Variants in TERB2 observed in about 807,000 individuals in gnomAD.
The protein encoded by TERB2 is telomere repeat binding bouquet formation protein 2.
In TERB2, 26 loss-of-function variants were observed where a neutral mutation model predicts 29.8. The observed-to-expected ratio is 0.87, with a 90% CI of 0.64 to 1.21. TERB2 has a LOEUF of 1.21. Among genes scored for constraint, TERB2 ranks in the 50% most tolerant of loss-of-function variants. The pLI is 0.00. For synonymous variants in TERB2, 80 were observed against 90.8 expected, an observed-to-expected ratio of 0.88 and a Z score of 0.68; for missense variants, 240 against 268.6, an observed-to-expected ratio of 0.89 and a Z score of 0.74.
chr15:44,958,632 C>T (rs548647873), intron 3 of TERB2, 120 bp downstream of exon 3: 1 of 1,103,320 alleles, frequency 9.1e-7, no homozygotes, highest in Admixed American at 2.9e-5. Flanking sequence ...AATTTTGTAT[C>T]TATTTAACAT....
intron 4 of TERB2, 111 bp downstream of exon 4, chr15:44,961,695 TA>T (rs1157569147): frequency 1.5e-6 from 1 of 670,128 alleles, no homozygotes; most frequent in East Asian, 3.1e-5. Flanking sequence ...TGAGTCAGAT[TA>T]AGAGATTGAT....
intron 4 of TERB2, among the ~76,000 whole-genome samples, chr15:44,964,772 C>T (rs182412108): frequency 3.3e-5 from 5 of 152,050 alleles, no homozygotes; most frequent in East Asian, 3.9e-4. Context: ...AGAATATATA[C>T]GTGGAAGGTA....
At chr15:44,975,986 G>A (rs533568331) in intron 6 of TERB2, 2 of 152,308 alleles carry the variant, frequency 1.3e-5, no homozygotes, top group East Asian at 1.9e-4. Flanking sequence ...GAAATCTACA[G>A]TAGATGCTGT....
At chr15:44,973,815 T>C (rs1468758935) in intron 5 of TERB2, 52 bp from the exon 6 acceptor site, 2 of 1,222,110 alleles carry the variant, frequency 1.6e-6, no homozygotes, top group Non-Finnish European at 2.1e-6. Flanking sequence ...GTAATACATA[T>C]AGACATATAT....
In TERB2 at chr15:44,957,083, G is replaced by C. The variant is rs1337491617; in HGVS notation, c.146+106G>C. On this transcript the variant is annotated intron_variant, in intron 2 of 6. Transcript: ENST00000340827. ...TATTGATGAGGCTGGGCGCGGTGGC[G>C]GACACCTATAATCCCAGCTACTGGG... The C allele has an allele frequency of 3.3e-6, 4 of 1,200,016 alleles. No individual in the cohort carries two copies. The Admixed American group carries it at 6.0e-5, about 18-fold the overall frequency. 74.3% of individuals were successfully genotyped at this position (1,200,016 alleles called of 1,614,324 possible). A position where few individuals can be genotyped will look rare whatever the true frequency, so the allele number is the denominator to read the frequency against.
intron 6 of TERB2, among the ~76,000 whole-genome samples, chr15:44,975,515 A>C (rs1161289322): frequency 6.6e-6 from 1 of 152,114 alleles, no homozygotes; most frequent in African/African-American, 2.4e-5. Context: ...CTGAAAATAG[A>C]ATTAATTGTG....
chr15:44,956,896 T>G lies in TERB2; in HGVS notation c.65T>G (p.Val22Gly). ...TCACCCTGTGCTCTTACCTCCACAG[T>G]GGCTGAAGGGGGAACGATCAGTGAC... ...SVSQDLRQFW[V>G]AEGGTISDPR... The change falls in exon 2 of 7, where the codon GTG (valine) becomes GGG (glycine). Residue 22 changes from valine to glycine, a missense_variant and splice_region_variant. Val to Gly is a moderately radical substitution (Grantham distance 109, BLOSUM62 -3). Coordinates refer to ENST00000340827, the MANE Select transcript of TERB2 (RefSeq NM_152448.3). The G allele has an allele frequency of 6.2e-7, 1 of 1,614,020 alleles. No homozygotes were observed. Among genetic ancestry groups the G allele is most frequent in the Non-Finnish European group, 8.5e-7 (1 of 1,179,954 alleles).
At chr15:44,965,882 T>TAGGGGA (rs1421735198) in intron 4 of TERB2, among the ~76,000 whole-genome samples, 6 of 151,870 alleles carry the variant, frequency 4.0e-5, no homozygotes, top group Admixed American at 2.6e-4. Context: ...TAAAATCAGT[T>TAGGGGA]AAAGTTTTAC....
chr15:44,978,376 C>A (rs1428142609), intron 6 of TERB2, 113 bp from the exon 7 acceptor site: 23 of 1,294,892 alleles, frequency 1.8e-5, no homozygotes, highest in Middle Eastern at 2.6e-4. Context: ...CTTTTTACTT[C>A]TTTTCTAAAA....
At chr15:44,956,805 C>G (rs184690028) in intron 1 of TERB2, 23 bp downstream of exon 1, 2 of 1,613,386 alleles carry the variant, frequency 1.2e-6, no homozygotes, top group South Asian at 2.2e-5. Context: ...GTGGAAGCAG[C>G]GGGTTAGGTG....
At chr15:44,967,038 G>A (rs777970035) in intron 5 of TERB2, among the ~76,000 whole-genome samples, 14 of 152,172 alleles carry the variant, frequency 9.2e-5, no homozygotes, top group Non-Finnish European at 1.3e-4. Flanking sequence ...GGTTGAGACC[G>A]CAGTGAGCCG....
chr15:44,971,370 A>AGATTCTAAGGATATTTTAATT lies in TERB2; in HGVS notation c.435-2476_435-2456dup, dbSNP rs572764721. 1.4e-4 allele frequency among the ~76,000 whole-genome samples: 21 copies of AGATTCTAAGGATATTTTAATT among 152,296 alleles called. 1 individual carries two copies. The South Asian group carries it at 4.4e-3, about 32-fold the overall frequency. ...ATATCTACCCATTTGGAATTCCTTA[A>AGATTCTAAGGATATTTTAATT]GATTCTAAGGATATTTTAATTGATT... On this transcript the variant is annotated intron_variant, in intron 5 of 6. Coordinates refer to ENST00000340827, the MANE Select transcript of TERB2 (RefSeq NM_152448.3).
chr15:44,974,005 G>T, intron 6 of TERB2, 50 bp downstream of exon 6: 2 of 1,422,898 alleles, frequency 1.4e-6, no homozygotes, highest in Non-Finnish European at 1.9e-6. Flanking sequence ...AGAAACAAGG[G>T]AATATTGTGT....
At position 44,973,950 on chromosome 15, in the gene TERB2, T is replaced by C; in HGVS notation, c.518T>C (p.Val173Ala). The stretch of plus-strand genomic sequence containing the variant: ...CAGAATTACCCAGTTAACAACATGG[T>C]AACAGGTAGTTTAAAATAAAATTTA... ...PLQNYPVNNM[V>A]TGYISIDAMK... Residue 173 changes from valine to alanine, a missense_variant, in exon 6 of 7, where the codon GTA (valine) becomes GCA (alanine). Physicochemically the swap from Val to Ala is moderately conservative, Grantham distance 64. Coordinates refer to ENST00000340827, the MANE Select transcript of TERB2 (RefSeq NM_152448.3). 3 of 1,591,534 alleles carry C rather than the reference T, an allele frequency of 1.9e-6. No homozygotes were observed. The highest frequency in any genetic ancestry group is 2.6e-6 in the Non-Finnish European group (3 of 1,167,964).
At chr15:44,960,052 T>A (rs79094394) in intron 3 of TERB2, among the ~76,000 whole-genome samples, 6,004 of 152,228 alleles carry the variant, frequency 0.039, 410 homozygotes, top group African/African-American at 0.14. Flanking sequence ...AAACTACTTG[T>A]GCCAATCAGT....
intron 6 of TERB2, among the ~76,000 whole-genome samples, chr15:44,978,192 A>C (rs553412419): frequency 1.3e-5 from 2 of 152,284 alleles, no homozygotes; most frequent in Admixed American, 6.5e-5. Flanking sequence ...ATTTTTATCT[A>C]AGTTCTTTTA....
chr15:44,973,804 T>G, intron 5 of TERB2, 63 bp from the exon 6 acceptor site: 1 of 1,109,814 alleles, frequency 9.0e-7, no homozygotes, highest in Non-Finnish European at 1.1e-6. Flanking sequence ...TTAATATAAA[T>G]GTAATACATA....
At chr15:44,977,121 GA>G (rs548536630) in intron 6 of TERB2, among the ~76,000 whole-genome samples, 11 of 125,860 alleles carry the variant, frequency 8.7e-5, no homozygotes, top group African/African-American at 2.9e-4. Flanking sequence ...ACACACCCCA[GA>G]AAAAAAAACC....
At chr15:44,966,853 C>A (rs563339192) in intron 5 of TERB2, among the ~76,000 whole-genome samples, 39 of 152,240 alleles carry the variant, frequency 2.6e-4, no homozygotes, top group Middle Eastern at 6.8e-3. Flanking sequence ...AATCTCAGCA[C>A]TTAGGGAGGC....
Sources: allele counts gnomAD v4.1 joint callset (sites outside exome capture counted in the v4.1 genomes callset), GRCh38; gene constraint gnomAD v4.1.1; transcripts MANE v1.5; gene names NCBI Gene and HGNC (gene_info 2026-07-23, HGNC 2026-07-21).